TRABD2B: variants seen among roughly 807,000 people sequenced by gnomAD.
TRABD2B encodes TraB domain containing 2B, also known as metalloprotease TIKI2.
A neutral mutation model predicts 40.1 loss-of-function variants in TRABD2B; 14 were observed. The observed-to-expected ratio is 0.35, with a 90% CI of 0.23 to 0.55. The LOEUF is 0.55. Among genes scored for constraint, TRABD2B ranks in the 20% least tolerant of loss-of-function variants. TRABD2B has a pLI of 0.90. For synonymous variants in TRABD2B, 263 were observed against 277.0 expected (o/e 0.95, Z 0.50); for missense variants, 541 against 648.6 (o/e 0.83, Z 1.80).
intron 2 of TRABD2B, among the ~76,000 whole-genome samples, chr1:47,926,136 G>A (rs1370572559): frequency 2.6e-5 from 4 of 152,066 alleles, no homozygotes; most frequent in East Asian, 1.9e-4. Flanking sequence ...CTTATAATTC[G>A]TTTTTGATAT....
chr1:47,890,279 T>C (rs1486748089), intron 2 of TRABD2B, among the ~76,000 whole-genome samples: 2 of 152,162 alleles, frequency 1.3e-5, no homozygotes, highest in Non-Finnish European at 2.9e-5. Context: ...GTGGCTGTGA[T>C]GGATGTAATA....
chr1:47,949,401 C>CTTTTTTTTTTTTTT (rs35027686), intron 2 of TRABD2B, among the ~76,000 whole-genome samples: 2 of 80,282 alleles, frequency 2.5e-5, no homozygotes, highest in African/African-American at 4.7e-5. Flanking sequence ...TCTTTTCTTT[C>CTTTTTTTTTTTTTT]TTTTTTTTTT....
chr1:47,990,968 C>A (rs1646002699), intron 2 of TRABD2B, among the ~76,000 whole-genome samples: 1 of 150,704 alleles, frequency 6.6e-6, no homozygotes, highest in Admixed American at 6.6e-5. Context: ...AGCCTCATAG[C>A]CGAAGGAAAT....
At chr1:47,887,717 C>T (rs183479213) in intron 2 of TRABD2B, among the ~76,000 whole-genome samples, 90 of 152,208 alleles carry the variant, frequency 5.9e-4, no homozygotes, top group African/African-American at 1.9e-3. Context: ...AGCCTGCTTC[C>T]TATTAGCGCT....
chr1:47,879,520 A>G (rs1557632256), intron 2 of TRABD2B, among the ~76,000 whole-genome samples: 2 of 152,266 alleles, frequency 1.3e-5, no homozygotes, highest in East Asian at 3.9e-4. Flanking sequence ...GTGCAAGTAC[A>G]CTCTATAATG....
rs751567051 is a variant in TRABD2B, at chr1:47,766,099, C to A, written c.1357G>T (p.Ala453Ser). The change falls in exon 7 of 7, where the codon GCC (alanine) becomes TCC (serine). Residue 453 changes from alanine to serine, a missense_variant. Transcript: ENST00000606738. ...TGCAGGGGCAGCGGGGGTGGTGAGG[C>A]GGTGGTGCTGGAAAGGAGGAAGCAC... is the stretch of plus-strand genomic sequence containing the variant. Reference protein sequence around the residue: ...LWVRIEDSTTASPPPLPLQPT... With the variant: ...LWVRIEDSTTSSPPPLPLQPT... The A allele has an allele frequency of 5.7e-6, 4 of 701,456 alleles. No homozygotes were observed. The Admixed American group carries it at 8.0e-5, about 14-fold the overall frequency. The allele number at this position is 701,456 out of a possible 1,614,324, so 43.5% of individuals were successfully genotyped here. A position where few individuals can be genotyped will look rare whatever the true frequency, so the allele number is the denominator to read the frequency against.
Position 47,762,661 on chromosome 1 carries a change from C to G in TRABD2B, c.*3241G>C, listed in dbSNP as rs532810448. 41 of 152,318 alleles carry G rather than the reference C, an allele frequency of 2.7e-4. No homozygotes were observed. Among genetic ancestry groups the G allele is most frequent in the African/African-American group, 9.4e-4 (39 of 41,568 alleles). The allele number at this position is 152,318 out of a possible 1,614,324, so 9.4% of individuals were successfully genotyped here. ...TTTGTTCATAACCAGCACAAGGTTCCATGCTTCCTAGATCCCAGATCTTTG... is the reference window on the plus strand; with the variant it reads ...TTTGTTCATAACCAGCACAAGGTTCGATGCTTCCTAGATCCCAGATCTTTG... On this transcript the variant is annotated 3_prime_UTR_variant, in exon 7 of 7. Transcript: ENST00000606738.
chr1:47,820,821 C>CACAA (rs1230605418), intron 2 of TRABD2B, among the ~76,000 whole-genome samples: 4 of 134,394 alleles, frequency 3.0e-5, no homozygotes, highest in Admixed American at 2.9e-4. Flanking sequence ...CACACACACA[C>CACAA]AAAATCTTAC....
intron 2 of TRABD2B, among the ~76,000 whole-genome samples, chr1:47,938,878 T>C (rs1293095540): frequency 2.0e-5 from 3 of 151,828 alleles, no homozygotes; most frequent in African/African-American, 7.3e-5. Flanking sequence ...GGATAAGAGG[T>C]TGACTTTAAT....
intron 2 of TRABD2B, among the ~76,000 whole-genome samples, chr1:47,878,040 C>T (rs1033600621): frequency 6.6e-6 from 1 of 151,108 alleles, no homozygotes; most frequent in African/African-American, 2.4e-5. Context: ...TGTGGTCGGG[C>T]ACGGTGGCTT....
At chr1:47,872,989 G>T (rs886591610) in intron 2 of TRABD2B, among the ~76,000 whole-genome samples, 3 of 152,206 alleles carry the variant, frequency 2.0e-5, no homozygotes, top group African/African-American at 4.8e-5. Flanking sequence ...AGATCAAAGT[G>T]CCGGCAGATT....
intron 2 of TRABD2B, among the ~76,000 whole-genome samples, chr1:47,961,057 G>A (rs187677008): frequency 1.3e-3 from 192 of 152,162 alleles, no homozygotes; most frequent in African/African-American, 4.4e-3. Context: ...AAATAATGCC[G>A]CATATCTACA....
intron 2 of TRABD2B, among the ~76,000 whole-genome samples, chr1:47,840,551 C>A (rs1165972159): frequency 6.6e-6 from 1 of 152,198 alleles, no homozygotes; most frequent in Non-Finnish European, 1.5e-5. Context: ...GTTTGGCAGA[C>A]CCACTGGGAT....
intron 2 of TRABD2B, among the ~76,000 whole-genome samples, chr1:47,878,599 G>A (rs1304882225): frequency 6.6e-6 from 1 of 152,124 alleles, no homozygotes; most frequent in African/African-American, 2.4e-5. Context: ...GCATTTATAT[G>A]ACACTACTAC....
At chr1:47,890,327 A>G (rs532211697) in intron 2 of TRABD2B, among the ~76,000 whole-genome samples, 1 of 152,320 alleles carries the variant, frequency 6.6e-6, no homozygotes, top group South Asian at 2.1e-4. Flanking sequence ...TGCCCCAGTT[A>G]GTAGCAATGG....
At chr1:47,935,789 T>A (rs1645099043) in intron 2 of TRABD2B, among the ~76,000 whole-genome samples, 1 of 152,244 alleles carries the variant, frequency 6.6e-6, no homozygotes, top group East Asian at 1.9e-4. Flanking sequence ...AAACTGTATC[T>A]CTTATATGAT....
chr1:47,954,893 T>C (rs1645396356), intron 2 of TRABD2B, among the ~76,000 whole-genome samples: 1 of 152,164 alleles, frequency 6.6e-6, no homozygotes, highest in Non-Finnish European at 1.5e-5. Context: ...CCTCTCTGTC[T>C]CTGTGCTCCA....
At chr1:47,778,010 C>T (rs1011679419) in intron 5 of TRABD2B, among the ~76,000 whole-genome samples, 16 of 152,264 alleles carry the variant, frequency 1.1e-4, no homozygotes, top group Middle Eastern at 3.4e-3. Context: ...GAGACAGCAA[C>T]GGAGAAGGTG....
intron 2 of TRABD2B, among the ~76,000 whole-genome samples, chr1:47,949,165 G>A (rs1447321165): frequency 1.3e-5 from 2 of 152,144 alleles, no homozygotes; most frequent in African/African-American, 4.8e-5. Context: ...GATGCATGCT[G>A]TGGGACAGAC....
Sources: allele counts gnomAD v4.1 joint callset (sites outside exome capture counted in the v4.1 genomes callset), GRCh38; gene constraint gnomAD v4.1.1; transcripts MANE v1.5; gene names NCBI Gene and HGNC (gene_info 2026-07-23, HGNC 2026-07-21).